The following DPT variants were observed in gnomAD, a reference collection of about 807,000 sequenced individuals.
The protein encoded by DPT is dermatopontin, also known as tyrosine-rich acidic matrix protein.
DPT carries 21 observed loss-of-function variants against 31.2 expected under a neutral mutation model. The ratio of observed to expected loss-of-function variants is 0.67; its 90% confidence interval spans 0.48 to 0.97. The LOEUF (loss-of-function observed/expected upper bound fraction) is 0.97. Among genes scored for constraint, DPT ranks in the 50% least tolerant of loss-of-function variants. The pLI, the probability that DPT is intolerant of heterozygous loss-of-function variation, is 0.00. For synonymous variants in DPT, 91 were observed against 86.9 expected, an observed-to-expected ratio of 1.05 and a Z score of -0.26; for missense variants, 262 against 258.8, an observed-to-expected ratio of 1.01 and a Z score of -0.08.
intron 3 of DPT, 59 bp from the exon 4 acceptor site, chr1:168,696,674 C>G (rs1649474048): frequency 6.8e-7 from 1 of 1,475,312 alleles, no homozygotes; most frequent in Non-Finnish European, 9.4e-7. Flanking sequence ...CAGGAAGAAT[C>G]GCTGCTGGGG....
At chr1:168,705,998 T>C (rs553933780) in intron 2 of DPT, among the ~76,000 whole-genome samples, 2 of 108,892 alleles carry the variant, frequency 1.8e-5, no homozygotes, top group East Asian at 4.2e-4. Flanking sequence ...TCCTCAGCCA[T>C]GGAACTGTGA....
chr1:168,703,688 C>A (rs1314149469), intron 2 of DPT, among the ~76,000 whole-genome samples: 2 of 152,080 alleles, frequency 1.3e-5, no homozygotes, highest in African/African-American at 4.8e-5. Flanking sequence ...TTAGACTGTC[C>A]TAGAGAAACC....
chr1:168,715,476 T>C (rs1264598346), intron 1 of DPT, among the ~76,000 whole-genome samples: 1 of 152,238 alleles, frequency 6.6e-6, no homozygotes, highest in African/African-American at 2.4e-5. Flanking sequence ...TCCACTGTTC[T>C]TGCTACTTAT....
At chr1:168,700,619 T>G (rs1649573091) in intron 3 of DPT, among the ~76,000 whole-genome samples, 1 of 152,108 alleles carries the variant, frequency 6.6e-6, no homozygotes, top group Non-Finnish European at 1.5e-5. Context: ...AAGTGCTCTT[T>G]GAAATTGAGT....
At chr1:168,708,438 A>G (rs999292211) in intron 2 of DPT, among the ~76,000 whole-genome samples, 2 of 152,236 alleles carry the variant, frequency 1.3e-5, no homozygotes, top group African/African-American at 4.8e-5. Context: ...TAGGGCGCAG[A>G]GCATCTAAAC....
chr1:168,721,355 G>A (rs1446363827), intron 1 of DPT, among the ~76,000 whole-genome samples: 23 of 152,178 alleles, frequency 1.5e-4, no homozygotes, highest in Admixed American at 1.5e-3. Flanking sequence ...AAAAACTAAA[G>A]AGATGCTATA....
chr1:168,728,840 C>G, intron 1 of DPT, 30 bp downstream of exon 1: 2 of 1,607,740 alleles, frequency 1.2e-6, no homozygotes, highest in Non-Finnish European at 1.7e-6. Context: ...ATGTTCCCAG[C>G]CCCAGTGCAG....
chr1:168,700,152 G>A (rs939227558), intron 3 of DPT, among the ~76,000 whole-genome samples: 1 of 152,146 alleles, frequency 6.6e-6, no homozygotes, highest in African/African-American at 2.4e-5. Flanking sequence ...AGTATTAGGA[G>A]GAGGAGCCTT....
Position 168,696,986 on chromosome 1 carries a change from G to A in DPT, c.540-371C>T, listed in dbSNP as rs1263626532. Among the ~76,000 whole-genome samples, 4 of 152,302 alleles carry A rather than the reference G, an allele frequency of 2.6e-5. No individual in the cohort carries two copies. The East Asian group carries it at 7.7e-4, about 29-fold the overall frequency. On this transcript the variant is annotated intron_variant, in intron 3 of 3. Transcript: ENST00000367817. ...TGTAAAGAATCTTGTTTTAGGCTGG[G>A]CTTGGTAGCTAACACCTGCAATCCT... is the stretch of plus-strand genomic sequence containing the variant.
chr1:168,698,750 C>T (rs1267618081), intron 3 of DPT, among the ~76,000 whole-genome samples: 2 of 152,056 alleles, frequency 1.3e-5, no homozygotes, highest in African/African-American at 4.8e-5. Flanking sequence ...ATGTCAATAG[C>T]GCATAGATGG....
rs781636326 is a variant in DPT at position 168,696,457 on chromosome 1, C to G, written c.*92G>C. 2.6e-6 allele frequency: 3 copies of G among 1,134,496 alleles called. No homozygotes were observed. The highest frequency in any genetic ancestry group is 3.8e-6 in the Non-Finnish European group (3 of 790,364). 70.3% of individuals were successfully genotyped at this position (1,134,496 alleles called of 1,614,324 possible). On this transcript the variant is annotated 3_prime_UTR_variant, in exon 4 of 4. Transcript: ENST00000367817. ...GGAGAAGGAAAGAGAGCAGCAGAAA[C>G]TTCTATAGGAGATCCAACTGATGTT...
At chr1:168,711,315 C>T (rs114209737) in intron 2 of DPT, among the ~76,000 whole-genome samples, 3,919 of 152,172 alleles carry the variant, frequency 0.026, 71 homozygotes, top group African/African-American at 0.036. Flanking sequence ...CCACCATGCC[C>T]GGCCTTGACA....
intron 2 of DPT, among the ~76,000 whole-genome samples, chr1:168,711,617 A>T (rs1649864795): frequency 6.6e-6 from 1 of 151,930 alleles, no homozygotes; most frequent in African/African-American, 2.4e-5. Flanking sequence ...TGCATAACCA[A>T]CCCCGCTCTC....
At chr1:168,702,731 T>A (rs1201272331) in intron 2 of DPT, among the ~76,000 whole-genome samples, 1 of 151,472 alleles carries the variant, frequency 6.6e-6, no homozygotes, top group Non-Finnish European at 1.5e-5. Context: ...CCTGCCTCAG[T>A]GTCCCAGGTA....
Position 168,701,102 on chromosome 1 carries a change from G to T in DPT, c.454C>A (p.His152Asn). 1 of 1,613,548 alleles carries T rather than the reference G, an allele frequency of 6.2e-7. No homozygotes were observed. Among genetic ancestry groups the T allele is most frequent in the South Asian group, 1.1e-5 (1 of 91,004 alleles). The change falls in exon 3 of 4, where the codon CAC (histidine) becomes AAC (asparagine). Residue 152 changes from histidine to asparagine, a missense_variant. Physicochemically the swap from His to Asn is moderately conservative, Grantham distance 68. Transcript: ENST00000367817. Reference sequence around the variant, plus strand: ...ATCATGTCCATTTCCTCACCATAGTGACCTGGATATTCTGTTGTTAGCCTA... The same window carrying T: ...ATCATGTCCATTTCCTCACCATAGTTACCTGGATATTCTGTTGTTAGCCTA... ...SCWLTTEYPGHYGEEMDMISY... is the reference protein window; with the variant it reads ...SCWLTTEYPGNYGEEMDMISY...
At chr1:168,714,962 A>T (rs918463546) in intron 1 of DPT, among the ~76,000 whole-genome samples, 5 of 151,472 alleles carry the variant, frequency 3.3e-5, no homozygotes, top group Admixed American at 3.3e-4. Context: ...TCTACCACCC[A>T]CAAGACCATA....
Position 168,699,599 on chromosome 1 carries a change from T to TAAA in DPT, c.539+1415_539+1417dup, listed in dbSNP as rs35423002. On this transcript the variant is annotated intron_variant, in intron 3 of 3. Transcript: ENST00000367817. ...GCTACTTAATGTCTTTTTTTTTTTT[T>TAAA]AAAAAAAAAAAGAAATTCTAGGTCA... Among the ~76,000 whole-genome samples, 81 of 147,702 alleles carry TAAA rather than the reference T, an allele frequency of 5.5e-4. 1 individual carries two copies. The highest frequency in any genetic ancestry group is 1.8e-3 in the African/African-American group (73 of 40,306).
At chr1:168,707,683 G>A (rs371943050) in intron 2 of DPT, among the ~76,000 whole-genome samples, 60 of 152,284 alleles carry the variant, frequency 3.9e-4, no homozygotes, top group African/African-American at 1.4e-3. Flanking sequence ...TAATCAAGAG[G>A]ACGGTCACTC....
intron 2 of DPT, among the ~76,000 whole-genome samples, chr1:168,713,809 C>T (rs1231685387): frequency 6.6e-6 from 1 of 151,932 alleles, no homozygotes; most frequent in Non-Finnish European, 1.5e-5. Context: ...ATTGGTTTCT[C>T]CCAGAGAAAG....
Sources: gnomAD v4.1 joint callset for allele counts (sites outside exome capture counted in the v4.1 genomes callset) on GRCh38, gnomAD v4.1.1 for gene constraint, MANE v1.5 for transcripts, NCBI Gene and HGNC (gene_info 2026-07-23, HGNC 2026-07-21) for gene names.